PAM: variants seen among roughly 807,000 people sequenced by gnomAD.
PAM encodes peptidylglycine alpha-amidating monooxygenase, also known as peptidyl-glycine alpha-amidating monooxygenase.
PAM carries 72 observed loss-of-function variants against 122.1 expected under a neutral mutation model. The observed-to-expected ratio is 0.59, with a 90% CI of 0.49 to 0.72. PAM has a LOEUF of 0.72. Ranked by LOEUF, PAM falls within the 30% of genes least tolerant of loss-of-function variation. The pLI is 0.00. For synonymous variants in PAM, 389 were observed against 404.4 expected (o/e 0.96, Z 0.46); for missense variants, 1,106 against 1,183.7 (o/e 0.93, Z 0.96).
chr5:102,969,212 A>G (rs568636404), intron 14 of PAM, among the ~76,000 whole-genome samples: 71 of 152,186 alleles, frequency 4.7e-4, no homozygotes, highest in African/African-American at 1.7e-3. Context: ...CATTCTGCAC[A>G]TGTATCCCAG....
chr5:103,006,613 T>C (rs1293691254), intron 18 of PAM, among the ~76,000 whole-genome samples, 188 bp from the exon 19 acceptor site: 1 of 152,218 alleles, frequency 6.6e-6, no homozygotes, highest in Non-Finnish European at 1.5e-5. Flanking sequence ...GGCTTTATTA[T>C]CAAATGAAGG....
intron 5 of PAM, among the ~76,000 whole-genome samples, chr5:102,921,121 G>A (rs1321204226): frequency 6.6e-6 from 1 of 152,088 alleles, no homozygotes; most frequent in Non-Finnish European, 1.5e-5. Context: ...CCACAAGGGA[G>A]CTATGTGAAC....
intron 1 of PAM, among the ~76,000 whole-genome samples, chr5:102,817,127 C>A (rs913964418): frequency 6.6e-6 from 1 of 152,106 alleles, no homozygotes; most frequent in African/African-American, 2.4e-5. Context: ...CTTTTTCCCT[C>A]ATTTACTGTG....
chr5:102,927,378 G>A (rs1749939833), intron 7 of PAM, among the ~76,000 whole-genome samples: 1 of 152,168 alleles, frequency 6.6e-6, no homozygotes, highest in Non-Finnish European at 1.5e-5. Context: ...TCACACTCTT[G>A]TGTTCACAGG....
At chr5:102,821,537 T>C (rs1319319425) in intron 1 of PAM, among the ~76,000 whole-genome samples, 1 of 152,242 alleles carries the variant, frequency 6.6e-6, no homozygotes, top group Non-Finnish European at 1.5e-5. Flanking sequence ...ATTATGATTA[T>C]ACATATAATA....
intron 1 of PAM, among the ~76,000 whole-genome samples, chr5:102,809,845 G>A (rs1034204191): frequency 6.6e-6 from 1 of 152,144 alleles, no homozygotes; most frequent in African/African-American, 2.4e-5. Flanking sequence ...CCTGAAAATA[G>A]TCTAAATGCT....
intron 15 of PAM, among the ~76,000 whole-genome samples, chr5:102,977,656 GCGCACACACA>G (rs755872752): frequency 8.9e-6 from 1 of 112,980 alleles, no homozygotes; most frequent in Non-Finnish European, 1.8e-5. Context: ...ACATGCATGT[GCGCACACACA>G]CACACACACA....
chr5:103,021,454 T>G (rs1481012120), intron 23 of PAM, among the ~76,000 whole-genome samples: 1 of 152,234 alleles, frequency 6.6e-6, no homozygotes, highest in African/African-American at 2.4e-5. Flanking sequence ...TTAGCCATAC[T>G]GACCTCATCT....
At chr5:102,770,555 T>G (rs1201739182) in intron 1 of PAM, among the ~76,000 whole-genome samples, 1 of 152,170 alleles carries the variant, frequency 6.6e-6, no homozygotes, top group Non-Finnish European at 1.5e-5. Flanking sequence ...CCCAGTTTTC[T>G]GTGAGTTTTT....
chr5:102,898,357 A>G (rs902772415), intron 3 of PAM, among the ~76,000 whole-genome samples: 5 of 151,578 alleles, frequency 3.3e-5, no homozygotes, highest in African/African-American at 1.2e-4. Flanking sequence ...ACAGAGAGAA[A>G]AAGAGGATTC....
At chr5:102,821,896 C>A (rs1197629889) in intron 1 of PAM, among the ~76,000 whole-genome samples, 1 of 152,136 alleles carries the variant, frequency 6.6e-6, no homozygotes, top group Non-Finnish European at 1.5e-5. Flanking sequence ...TTTCTGGTCA[C>A]AAAAACAATA....
intron 20 of PAM, among the ~76,000 whole-genome samples, chr5:103,009,075 C>A (rs1328789078): frequency 3.9e-5 from 6 of 152,004 alleles, no homozygotes; most frequent in Admixed American, 1.3e-4. Context: ...TGTAGTGGTT[C>A]AATCATCTGA....
At chr5:102,969,531 A>C (rs149424800) in intron 14 of PAM, among the ~76,000 whole-genome samples, 3,194 of 152,254 alleles carry the variant, frequency 0.021, 48 homozygotes, top group Non-Finnish European at 0.032. Flanking sequence ...TAAGATTCCC[A>C]AATGAGTACT....
rs1224094819 is a variant in PAM at position 102,998,616 on chromosome 5, A to G, written c.1614-4417A>G. Among the ~76,000 whole-genome samples the G allele has an allele frequency of 3.9e-5, 6 of 152,332 alleles. 1 individual carries two copies. In the South Asian group the frequency reaches 1.2e-3, roughly 32 times the overall value. The stretch of plus-strand genomic sequence containing the variant: ...CTAAGAATAAATGAAAATATTATAT[A>G]TAGTTTTATTATATGTAGTGATGTT... On this transcript the variant is annotated intron_variant, in intron 16 of 25. Transcript: ENST00000438793.
intron 3 of PAM, among the ~76,000 whole-genome samples, chr5:102,871,711 A>G (rs1787552626): frequency 6.8e-6 from 1 of 146,934 alleles, no homozygotes; most frequent in Non-Finnish European, 1.5e-5. Context: ...AAATATATAT[A>G]TTATATATAA....
At chr5:102,761,586 G>A (rs1752383354) in intron 1 of PAM, among the ~76,000 whole-genome samples, 2 of 152,154 alleles carry the variant, frequency 1.3e-5, no homozygotes, top group Non-Finnish European at 2.9e-5. Flanking sequence ...CATATCTTGA[G>A]AATTTCACTT....
intron 20 of PAM, among the ~76,000 whole-genome samples, chr5:103,009,099 C>T (rs1029771594): frequency 2.0e-5 from 3 of 151,948 alleles, no homozygotes; most frequent in Admixed American, 6.6e-5. Flanking sequence ...GTTTATTTAA[C>T]GTAAACATCA....
At chr5:102,955,607 G>A (rs549259616) in intron 12 of PAM, among the ~76,000 whole-genome samples, 60 of 152,122 alleles carry the variant, frequency 3.9e-4, no homozygotes, top group African/African-American at 1.3e-3. Context: ...TATCACATAA[G>A]CACTTTATTA....
At chr5:102,953,041 T>C (rs1175500075) in intron 12 of PAM, among the ~76,000 whole-genome samples, 1 of 152,148 alleles carries the variant, frequency 6.6e-6, no homozygotes, top group Non-Finnish European at 1.5e-5. Context: ...ACCTTTCTGT[T>C]CTATGGTTAC....
Sources: allele counts gnomAD v4.1 joint callset (sites outside exome capture counted in the v4.1 genomes callset), GRCh38; gene constraint gnomAD v4.1.1; transcripts MANE v1.5; gene names NCBI Gene and HGNC (gene_info 2026-07-23, HGNC 2026-07-21).